The following HSBP1L1 variants were observed in gnomAD, a reference collection of about 807,000 sequenced individuals.
HSBP1L1 encodes heat shock factor-binding protein 1-like protein 1.
HSBP1L1 carries 8 observed loss-of-function variants against 9.7 expected under a neutral mutation model. The ratio of observed to expected loss-of-function variants is 0.82; its 90% CI spans 0.48 to 1.48. The LOEUF (loss-of-function observed/expected upper bound fraction) is 1.48, where lower values mean the gene tolerates loss of function less well. Among genes scored for constraint, HSBP1L1 ranks in the 40% most tolerant of loss-of-function variants. The probability of loss-of-function intolerance (pLI) is 0.00; values close to 1 mark genes in which losing one functional copy is unlikely to be tolerated. For missense variants in HSBP1L1, 106 were observed against 95.8 expected (o/e 1.11, Z -0.44); for synonymous variants, 39 against 34.4 (o/e 1.13, Z -0.46).
chr18:79,968,594 A>C (rs34937055), intron 3 of HSBP1L1, among the ~76,000 whole-genome samples: 2 of 151,718 alleles, frequency 1.3e-5, no homozygotes, highest in East Asian at 4.0e-4. Flanking sequence ...CCAGTGCTGC[A>C]ATTACAGGCG....
intron 1 of HSBP1L1, 86 bp downstream of exon 1, chr18:79,964,872 T>C: frequency 5.6e-6 from 1 of 179,644 alleles, no homozygotes; most frequent in Non-Finnish European, 9.8e-6. Context: ...GGGGGGAGCC[T>C]GCGGTGCTGG....
Position 79,970,542 on chromosome 18 carries a change from TC to T in HSBP1L1, c.*92del, listed in dbSNP as rs368829105. On this transcript the variant is annotated 3_prime_UTR_variant, in exon 4 of 4. Coordinates refer to ENST00000451882, the MANE Select transcript of HSBP1L1 (RefSeq NM_001136180.2). Reference sequence around the variant, plus strand: ...GGGTGGGGCCCTCATCCAACAGGATTCGTCTTTCTGAGAAGAGACGCAAGGG... The same window carrying T: ...GGGTGGGGCCCTCATCCAACAGGATTGTCTTTCTGAGAAGAGACGCAAGGG... The T allele has an allele frequency of 4.9e-4, 347 of 713,944 alleles. 2 individuals carry two copies. In the East Asian group the frequency reaches 5.9e-3, roughly 12 times the overall value. The allele number at this position is 713,944 out of a possible 1,614,324, so 44.2% of individuals were successfully genotyped here.
intron 3 of HSBP1L1, among the ~76,000 whole-genome samples, chr18:79,969,377 AAG>A (rs1191093682): frequency 9.3e-5 from 5 of 53,868 alleles, no homozygotes; most frequent in African/African-American, 1.3e-4. Context: ...GAAAGAAAGA[AAG>A]AAAGAAAGAA....
intron 3 of HSBP1L1, among the ~76,000 whole-genome samples, chr18:79,969,345 A>AAGAAAGAAAGAAAG (rs2051279612): frequency 2.6e-5 from 1 of 38,528 alleles, no homozygotes; most frequent in African/African-American, 6.7e-5. Flanking sequence ...GAAAGAAAGA[A>AAGAAAGAAAGAAAG]AGAAAGAAAG....
rs567996271 is a variant in HSBP1L1, at chr18:79,970,543, C to T, written c.*92C>T. The T allele has an allele frequency of 5.3e-5, 38 of 712,308 alleles. 1 individual carries two copies. Among genetic ancestry groups the T allele is most frequent in the South Asian group, 3.1e-4 (21 of 67,172 alleles). The allele number at this position is 712,308 out of a possible 1,614,324, so 44.1% of individuals were successfully genotyped here. On this transcript the variant is annotated 3_prime_UTR_variant, in exon 4 of 4. Coordinates refer to ENST00000451882, the MANE Select transcript of HSBP1L1 (RefSeq NM_001136180.2). ...GGTGGGGCCCTCATCCAACAGGATT[C>T]GTCTTTCTGAGAAGAGACGCAAGGG...
At chr18:79,970,171 T>G in intron 3 of HSBP1L1, 1 of 394,254 alleles carries the variant, frequency 2.5e-6, no homozygotes, top group Non-Finnish European at 4.7e-6. Context: ...CCTGGGGAAA[T>G]CTAAGCTTTA....
intron 3 of HSBP1L1, among the ~76,000 whole-genome samples, chr18:79,969,610 G>A (rs114072726): frequency 1.1e-3 from 170 of 152,280 alleles, no homozygotes; most frequent in African/African-American, 3.6e-3. Context: ...CCTTCTCTGC[G>A]TGCGCTCAGA....
At chr18:79,967,147 C>CAAAAAAAAAAAAAAAAAAAAAAA (rs5826682) in intron 2 of HSBP1L1, among the ~76,000 whole-genome samples, 2 of 105,196 alleles carry the variant, frequency 1.9e-5, no homozygotes, top group African/African-American at 7.4e-5. Context: ...GACTCCGTCT[C>CAAAAAAAAAAAAAAAAAAAAAAA]AAAAAAAAAA....
chr18:79,965,931 T>A lies in HSBP1L1; in HGVS notation c.52-681T>A, dbSNP rs553610970. Among the ~76,000 whole-genome samples the A allele has an allele frequency of 5.3e-5, 8 of 152,264 alleles. No homozygotes were observed. The East Asian group carries it at 1.6e-3, about 30-fold the overall frequency. ...ATGGGTTTATCCCATGATATTTATT[T>A]TTTTTATTTTTATTTTTTGAGACGG... On this transcript the variant is annotated intron_variant, in intron 1 of 3. Transcript: ENST00000451882.
intron 3 of HSBP1L1, among the ~76,000 whole-genome samples, chr18:79,969,289 AGG>A (rs1335402805): frequency 0.011 from 252 of 22,178 alleles, 19 homozygotes; most frequent in East Asian, 0.028. Context: ...GGAGGGAGGG[AGG>A]GAGGGAGAGA....
chr18:79,966,879 T>A, intron 2 of HSBP1L1: 1 of 496,872 alleles, frequency 2.0e-6, no homozygotes, highest in Non-Finnish European at 3.6e-6. Flanking sequence ...CCGGGTGCAG[T>A]GGCTCACGCC....
In HSBP1L1 at chr18:79,968,114, G is replaced by C; in HGVS notation, c.144G>C (p.Glu48Asp). ...LRMEEMGNRI[E>D]DLQKNVKDLM... ...TGGAAGAAATGGGAAATCGCATTGA[G>C]GACTTACAGAAGAATGTCAAGGACT... The change falls in exon 3 of 4, where the codon GAG (glutamate) becomes GAC (aspartate). Residue 48 changes from glutamate (E) to aspartate (D), a missense_variant. Coordinates refer to ENST00000451882, the MANE Select transcript of HSBP1L1 (RefSeq NM_001136180.2). 1 of 1,549,950 alleles carries C rather than the reference G, an allele frequency of 6.5e-7. No individual in the cohort carries two copies. Among genetic ancestry groups the C allele is most frequent in the East Asian group, 2.4e-5 (1 of 40,908 alleles).
At position 79,966,484 on chromosome 18, in the gene HSBP1L1, A is replaced by G. The variant is rs1161546668; in HGVS notation, c.52-128A>G. The G allele has an allele frequency of 1.3e-5, 8 of 627,064 alleles. No homozygotes were observed. The African/African-American group carries it at 1.3e-4, about 10-fold the overall frequency. 38.8% of individuals were successfully genotyped at this position (627,064 alleles called of 1,614,324 possible). A position where few individuals can be genotyped will look rare whatever the true frequency, so the allele number is the denominator to read the frequency against. ...CTTGAATCCAGGAGGCGGAGGTTGT[A>G]GTGAGCTGAGATCGCGCCATTGCAC... On this transcript the variant is annotated intron_variant, in intron 1 of 3. Coordinates refer to ENST00000451882, the MANE Select transcript of HSBP1L1 (RefSeq NM_001136180.2).
Position 79,969,310 on chromosome 18 carries a change from A to AGAG in HSBP1L1, c.213+1127_213+1128insGAG, listed in dbSNP as rs779917505. ...AGGGAGGGAGGGAGAGAGAGAGAGA[A>AGAG]AGGAAAGAAAGAAAGAAAGAAAAAG... On this transcript the variant is annotated intron_variant, in intron 3 of 3. Coordinates refer to ENST00000451882, the MANE Select transcript of HSBP1L1 (RefSeq NM_001136180.2). Among the ~76,000 whole-genome samples the AGAG allele has an allele frequency of 1.0e-3, 35 of 33,402 alleles. 1 individual carries two copies. Among genetic ancestry groups the AGAG allele is most frequent in the Middle Eastern group, 0.017 (1 of 58 alleles). 21.9% of individuals were successfully genotyped at this position (33,402 alleles called of 152,430 possible).
At chr18:79,966,361 T>C (rs1227253420) in intron 1 of HSBP1L1, among the ~76,000 whole-genome samples, 2 of 152,056 alleles carry the variant, frequency 1.3e-5, no homozygotes, top group Non-Finnish European at 2.9e-5. Flanking sequence ...CTGGCCAACA[T>C]GGTGAAACTC....
intron 3 of HSBP1L1, among the ~76,000 whole-genome samples, chr18:79,968,774 G>A (rs1049286573): frequency 2.0e-5 from 3 of 151,706 alleles, no homozygotes; most frequent in Non-Finnish European, 4.4e-5. Flanking sequence ...AGTGCAACCC[G>A]AACCTCATCA....
At chr18:79,966,183 G>A (rs1316555206) in intron 1 of HSBP1L1, among the ~76,000 whole-genome samples, 1 of 152,058 alleles carries the variant, frequency 6.6e-6, no homozygotes, top group African/African-American at 2.4e-5. Context: ...CACCCGCCTC[G>A]GCCTCCCAAA....
At chr18:79,970,294 A>G in intron 3 of HSBP1L1, 146 bp from the exon 4 acceptor site, 1 of 639,764 alleles carries the variant, frequency 1.6e-6, no homozygotes, top group South Asian at 1.8e-5. Context: ...AATGAGATAA[A>G]CTTGAAATAC....
intron 3 of HSBP1L1, among the ~76,000 whole-genome samples, chr18:79,969,295 G>A (rs9946394): frequency 0.75 from 28,325 of 37,642 alleles, 11,662 homozygotes; most frequent in South Asian, 0.9. Context: ...AGGGAGGGAG[G>A]GAGAGAGAGA....
Sources: gnomAD v4.1 joint callset for allele counts (sites outside exome capture counted in the v4.1 genomes callset) on GRCh38, gnomAD v4.1.1 for gene constraint, MANE v1.5 for transcripts, NCBI Gene and HGNC (gene_info 2026-07-23, HGNC 2026-07-21) for gene names.